The following ABI3BP variants were observed in gnomAD, a reference collection of about 807,000 sequenced individuals.
ABI3BP encodes target of Nesh-SH3.
ABI3BP carries 216 observed loss-of-function variants against 268.6 expected under a neutral mutation model. The observed-to-expected ratio is 0.80, with a 90% CI of 0.72 to 0.90. The LOEUF (loss-of-function observed/expected upper bound fraction) is 0.90, where lower values mean the gene tolerates loss of function less well. Ranked by LOEUF, ABI3BP falls within the 40% of genes least tolerant of loss-of-function variation. The pLI is 0.00. For missense variants in ABI3BP, 2,090 were observed against 2,182.4 expected, an observed-to-expected ratio of 0.96 and a Z score of 0.84; for synonymous variants, 730 against 730.0, an observed-to-expected ratio of 1.00 and a Z score of 0.00.
chr3:100,902,726 G>A (rs1162547501), intron 2 of ABI3BP, 40 bp from the exon 3 acceptor site: 1 of 1,571,286 alleles, frequency 6.4e-7, no homozygotes, highest in South Asian at 1.1e-5. Flanking sequence ...AACCCTTTGA[G>A]AACCAGCATT....
At chr3:100,895,357 G>A (rs946608136) in intron 4 of ABI3BP, among the ~76,000 whole-genome samples, 1 of 151,968 alleles carries the variant, frequency 6.6e-6, no homozygotes, top group Non-Finnish European at 1.5e-5. Context: ...AGAAACATGC[G>A]CCACAAAGGA....
intron 1 of ABI3BP, among the ~76,000 whole-genome samples, chr3:100,940,785 A>AATATATATATAT (rs2068649151): frequency 9.2e-5 from 1 of 10,910 alleles, no homozygotes; most frequent in South Asian, 3.2e-3. Context: ...AAATTACTTC[A>AATATATATATAT]CTATATATAT....
In ABI3BP at chr3:100,770,942, C is replaced by A. The variant is rs377060171; in HGVS notation, c.4542G>T (p.Val1514=). The A allele has an allele frequency of 6.3e-7, 1 of 1,578,682 alleles. No individual in the cohort carries two copies. The part of the protein sequence containing the change: ...LGKPRFKGPH[V]RYIQKPDNSP... Reference sequence around the variant, plus strand: ...TGTTGTCAGGCTTTTGGATGTATCGCACATGAGGTCCTACGAGAGAGAGGA... The same window carrying A: ...TGTTGTCAGGCTTTTGGATGTATCGAACATGAGGTCCTACGAGAGAGAGGA... The change falls in exon 62 of 68, where the codon GTG becomes GTT. Residue 1514 remains valine (V), a synonymous_variant. Coordinates refer to ENST00000471714, the MANE Select transcript of ABI3BP (RefSeq NM_001375547.2).
intron 39 of ABI3BP, 68 bp from the exon 40 acceptor site, chr3:100,820,371 G>T: frequency 1.6e-6 from 2 of 1,233,124 alleles, no homozygotes; most frequent in East Asian, 2.6e-5. Context: ...CATGACATAC[G>T]GTTTGAGATC....
chr3:100,844,306 A>G, intron 20 of ABI3BP: 1 of 985,464 alleles, frequency 1.0e-6, no homozygotes, highest in Non-Finnish European at 1.2e-6. Context: ...AGAAGCTTAA[A>G]GATTAAACCA....
At chr3:100,952,457 T>A (rs1377151752) in intron 1 of ABI3BP, among the ~76,000 whole-genome samples, 1 of 152,206 alleles carries the variant, frequency 6.6e-6, no homozygotes, top group Non-Finnish European at 1.5e-5. Context: ...GCCTTTCATA[T>A]GTACTATATA....
chr3:100,909,022 AT>A (rs1236152142), intron 2 of ABI3BP, among the ~76,000 whole-genome samples: 1 of 152,238 alleles, frequency 6.6e-6, no homozygotes, highest in Non-Finnish European at 1.5e-5. Flanking sequence ...ACAAGGCTAC[AT>A]TAACCAAAAC....
chr3:100,888,734 T>C (rs543012414), intron 4 of ABI3BP, among the ~76,000 whole-genome samples: 55 of 152,080 alleles, frequency 3.6e-4, no homozygotes, highest in Non-Finnish European at 7.7e-4. Context: ...GCCCTTCTTC[T>C]CCTAGTTAGG....
chr3:100,910,130 A>T (rs1396879266), intron 2 of ABI3BP, among the ~76,000 whole-genome samples: 2 of 152,172 alleles, frequency 1.3e-5, no homozygotes, highest in Non-Finnish European at 2.9e-5. Flanking sequence ...GAAGCTGGAA[A>T]CCATCATTCT....
chr3:100,800,465 G>A (rs1386337584), intron 51 of ABI3BP, among the ~76,000 whole-genome samples: 1 of 152,112 alleles, frequency 6.6e-6, no homozygotes, highest in East Asian at 1.9e-4. Flanking sequence ...TAGTCATTCT[G>A]AGTCATGCTG....
intron 57 of ABI3BP, among the ~76,000 whole-genome samples, chr3:100,785,375 CTA>C (rs1407630040): frequency 6.6e-6 from 1 of 152,132 alleles, no homozygotes; most frequent in African/African-American, 2.4e-5. Context: ...CTGATCAAAA[CTA>C]TGCAGAATCA....
chr3:100,877,486 C>G (rs954727493), intron 6 of ABI3BP, among the ~76,000 whole-genome samples: 1 of 152,218 alleles, frequency 6.6e-6, no homozygotes. Flanking sequence ...CCAGAGGACT[C>G]TGCTTCCTCT....
chr3:100,817,337 A>G (rs981926501), intron 42 of ABI3BP, 99 bp downstream of exon 42: 12 of 802,210 alleles, frequency 1.5e-5, no homozygotes, highest in Non-Finnish European at 2.3e-5. Flanking sequence ...AGATGACAAG[A>G]TAGTCCTACA....
chr3:100,828,341 G>A, intron 34 of ABI3BP, 52 bp downstream of exon 34: 1 of 1,463,400 alleles, frequency 6.8e-7, no homozygotes, highest in Non-Finnish European at 9.2e-7. Flanking sequence ...AGTGGAATAA[G>A]CTTGACAGTG....
chr3:100,953,152 C>T (rs1392826473), intron 1 of ABI3BP, among the ~76,000 whole-genome samples: 1 of 152,144 alleles, frequency 6.6e-6, no homozygotes, highest in Non-Finnish European at 1.5e-5. Context: ...GTCTCCTGTG[C>T]CTACATAATA....
intron 1 of ABI3BP, among the ~76,000 whole-genome samples, chr3:100,948,287 T>C (rs778694639): frequency 2.2e-4 from 34 of 152,204 alleles, no homozygotes; most frequent in Non-Finnish European, 3.1e-4. Context: ...GTCCACATGA[T>C]AGAAAAGTTG....
chr3:100,933,988 A>T (rs1204227541), intron 1 of ABI3BP, among the ~76,000 whole-genome samples: 1 of 151,636 alleles, frequency 6.6e-6, no homozygotes, highest in Non-Finnish European at 1.5e-5. Flanking sequence ...TCCAATAATA[A>T]TTTTTTAATT....
At chr3:100,844,478 C>T (rs1030438956) in intron 20 of ABI3BP, 34 of 984,282 alleles carry the variant, frequency 3.5e-5, no homozygotes, top group Non-Finnish European at 4.1e-5. Flanking sequence ...GGAAAAGGAG[C>T]CTGTAAAGGA....
chr3:100,843,891 T>C (rs2098738107), intron 20 of ABI3BP: 4 of 985,130 alleles, frequency 4.1e-6, no homozygotes, highest in Non-Finnish European at 4.8e-6. Context: ...CTTTTAGACT[T>C]CACAAAAATT....
Sources: allele counts gnomAD v4.1 joint callset (sites outside exome capture counted in the v4.1 genomes callset), GRCh38; gene constraint gnomAD v4.1.1; transcripts MANE v1.5; gene names NCBI Gene and HGNC (gene_info 2026-07-23, HGNC 2026-07-21).